The following COL13A1 variants were observed in gnomAD, a reference collection of about 807,000 sequenced individuals.
COL13A1 encodes collagen type XIII alpha 1 chain.
A neutral mutation model predicts 130.9 loss-of-function variants in COL13A1; 89 were observed. That is an observed-to-expected ratio of 0.68 (90% CI 0.57 to 0.81). The LOEUF is 0.81. Ranked by LOEUF, COL13A1 falls within the 30% of genes least tolerant of loss-of-function variation. The probability of loss-of-function intolerance (pLI) is 0.00; values close to 1 mark genes in which losing one functional copy is unlikely to be tolerated. For missense variants in COL13A1, 879 were observed against 934.6 expected (o/e 0.94, Z 0.78); for synonymous variants, 402 against 341.6 (o/e 1.18, Z -1.95).
intron 2 of COL13A1, among the ~76,000 whole-genome samples, chr10:69,861,333 A>G (rs1021336208): frequency 3.6e-4 from 55 of 152,288 alleles, no homozygotes; most frequent in Middle Eastern, 6.8e-3. Context: ...GCAGTGGCAT[A>G]GCTAGTAGTA....
intron 17 of COL13A1, among the ~76,000 whole-genome samples, chr10:69,912,559 A>T (rs866936558): frequency 2.6e-5 from 2 of 76,938 alleles, no homozygotes; most frequent in Admixed American, 1.5e-4. Context: ...CCCCACCCCC[A>T]CCCCTCCCCG....
chr10:69,872,719 C>T (rs2059194837), intron 4 of COL13A1, among the ~76,000 whole-genome samples: 1 of 152,226 alleles, frequency 6.6e-6, no homozygotes, highest in African/African-American at 2.4e-5. Flanking sequence ...ATATAGCCAT[C>T]TCTTATTGAA....
intron 1 of COL13A1, among the ~76,000 whole-genome samples, chr10:69,809,810 G>C (rs544497087): frequency 6.6e-6 from 1 of 152,350 alleles, no homozygotes; most frequent in South Asian, 2.1e-4. Flanking sequence ...TCAGGCCTTG[G>C]TGATGAGTAC....
chr10:69,879,510 C>T (rs2059924130), intron 6 of COL13A1: 1 of 152,210 alleles, frequency 6.6e-6, no homozygotes, highest in Non-Finnish European at 1.5e-5. Flanking sequence ...AACCATGACA[C>T]TACACCGCCT....
intron 37 of COL13A1, among the ~76,000 whole-genome samples, chr10:69,946,090 C>CAAAA (rs772972376): frequency 3.7e-5 from 4 of 108,330 alleles, no homozygotes; most frequent in African/African-American, 1.4e-4. Context: ...ACACACAAAC[C>CAAAA]AAAAAAAAAA....
intron 1 of COL13A1, among the ~76,000 whole-genome samples, chr10:69,817,265 G>C (rs370542980): frequency 1.3e-5 from 2 of 152,002 alleles, no homozygotes; most frequent in Admixed American, 1.3e-4. Flanking sequence ...CGACAGGAGG[G>C]GTTGGCCCTC....
chr10:69,807,057 G>T (rs1841783485), intron 1 of COL13A1, among the ~76,000 whole-genome samples: 1 of 152,152 alleles, frequency 6.6e-6, no homozygotes, highest in African/African-American at 2.4e-5. Flanking sequence ...AGGCCCAAGG[G>T]GAAGCAGAGG....
rs1036311195 is a variant in COL13A1, at chr10:69,802,368, G to A, written c.-56G>A. On this transcript the variant is annotated 5_prime_UTR_variant, in exon 1 of 41. Transcript: ENST00000645393. ...GTTTGGATAGAGCCTTTTGGCAGCG[G>A]CTGTCGCCTTTATTTATTCTATTTA... The A allele has an allele frequency of 4.3e-6, 6 of 1,394,496 alleles. No individual in the cohort carries two copies. The highest frequency in any genetic ancestry group is 5.6e-6 in the Non-Finnish European group (6 of 1,078,790). 86.4% of individuals were successfully genotyped at this position (1,394,496 alleles called of 1,614,324 possible).
At chr10:69,822,268 G>T (rs562364982) in intron 1 of COL13A1, 101 bp from the exon 2 acceptor site, 2 of 829,878 alleles carry the variant, frequency 2.4e-6, no homozygotes, top group East Asian at 3.2e-5. Flanking sequence ...AGTTCTGCCG[G>T]TTTCCCCCTC....
chr10:69,820,174 C>T (rs1845692653), intron 1 of COL13A1, among the ~76,000 whole-genome samples: 1 of 152,228 alleles, frequency 6.6e-6, no homozygotes, highest in Non-Finnish European at 1.5e-5. Flanking sequence ...GCATTTATCA[C>T]TGCCTGTTAC....
chr10:69,905,812 A>ACGG lies in COL13A1; in HGVS notation c.913_915dup (p.Gly305dup), dbSNP rs770397178. On this transcript the variant is annotated inframe_insertion, in exon 17 of 41. Coordinates refer to ENST00000645393, the MANE Select transcript of COL13A1 (RefSeq NM_001368882.1). ...GGAGACCCAGGGATCCAGGGCTACC[A>ACGG]CGGCCGGAAGGTAAGATGGAGGGGG... 18 of 1,613,650 alleles carry ACGG rather than the reference A, an allele frequency of 1.1e-5. No homozygotes were observed. The highest frequency in any genetic ancestry group is 1.4e-5 in the Non-Finnish European group (17 of 1,179,812).
intron 21 of COL13A1, among the ~76,000 whole-genome samples, chr10:69,921,539 T>G (rs2064672063): frequency 6.6e-6 from 1 of 152,230 alleles, no homozygotes; most frequent in Non-Finnish European, 1.5e-5. Flanking sequence ...CGTTCTGAAC[T>G]GCTCACCTCT....
intron 1 of COL13A1, among the ~76,000 whole-genome samples, chr10:69,807,931 C>T (rs889485743): frequency 3.3e-5 from 5 of 152,350 alleles, no homozygotes; most frequent in African/African-American, 1.2e-4. Context: ...TTGCTGCACA[C>T]TTTCCCATGG....
At chr10:69,861,249 A>G (rs889775765) in intron 2 of COL13A1, among the ~76,000 whole-genome samples, 5 of 152,194 alleles carry the variant, frequency 3.3e-5, no homozygotes, top group African/African-American at 9.7e-5. Context: ...CCAGGCTGCC[A>G]GGTGTGAAGT....
intron 17 of COL13A1, among the ~76,000 whole-genome samples, chr10:69,910,364 G>A (rs776551947): frequency 5.9e-5 from 9 of 151,950 alleles, no homozygotes; most frequent in African/African-American, 1.5e-4. Context: ...GATGTGAGCG[G>A]GACCTGTGGG....
intron 2 of COL13A1, among the ~76,000 whole-genome samples, chr10:69,842,612 G>A (rs550970745): frequency 6.6e-6 from 1 of 152,326 alleles, no homozygotes; most frequent in East Asian, 1.9e-4. Context: ...CTGGGCTTCA[G>A]TGCTAGCTTT....
At chr10:69,950,393 G>A (rs1303575554) in intron 38 of COL13A1, among the ~76,000 whole-genome samples, 1 of 152,142 alleles carries the variant, frequency 6.6e-6, no homozygotes, top group South Asian at 2.1e-4. Context: ...CAGGTTCTTA[G>A]AACACAACTC....
intron 30 of COL13A1, chr10:69,931,182 A>T (rs562224640): frequency 4.2e-5 from 19 of 456,218 alleles, no homozygotes; most frequent in African/African-American, 3.8e-4. Flanking sequence ...CCAACTGGGG[A>T]GAGGAGAACA....
chr10:69,943,784 G>C (rs962943780), intron 35 of COL13A1, among the ~76,000 whole-genome samples: 2 of 152,192 alleles, frequency 1.3e-5, no homozygotes, highest in African/African-American at 4.8e-5. Flanking sequence ...GCCAGCCCCC[G>C]GCCCCTGCCC....
Sources: allele counts gnomAD v4.1 joint callset (sites outside exome capture counted in the v4.1 genomes callset), GRCh38; gene constraint gnomAD v4.1.1; transcripts MANE v1.5; gene names NCBI Gene and HGNC (gene_info 2026-07-23, HGNC 2026-07-21).